CNTN3: variants seen among roughly 807,000 people sequenced by gnomAD.
CNTN3 encodes the protein contactin 3, also known as contactin-3.
In CNTN3, 60 loss-of-function variants were observed where a neutral mutation model predicts 119.1. That is an observed-to-expected ratio of 0.50 (90% CI 0.41 to 0.62). The LOEUF is 0.62. Among genes scored for constraint, CNTN3 ranks in the 20% least tolerant of loss-of-function variants. The pLI is 0.00. For missense variants in CNTN3, 1,101 were observed against 1,242.4 expected (o/e 0.89, Z 1.71); for synonymous variants, 450 against 438.7 (o/e 1.03, Z -0.32).
intron 11 of CNTN3, among the ~76,000 whole-genome samples, chr3:74,337,572 C>T (rs1443037027): frequency 2.6e-5 from 4 of 152,056 alleles, no homozygotes; most frequent in South Asian, 2.1e-4. Context: ...AAAGAGGAAA[C>T]GAGAACCAAG....
intron 18 of CNTN3, among the ~76,000 whole-genome samples, chr3:74,296,461 T>C (rs999898477): frequency 6.6e-6 from 1 of 152,062 alleles, no homozygotes; most frequent in African/African-American, 2.4e-5. Flanking sequence ...TTAAGACTCT[T>C]CTGCAAAGAC....
At chr3:74,319,508 A>C (rs1172491057) in intron 13 of CNTN3, among the ~76,000 whole-genome samples, 1 of 152,148 alleles carries the variant, frequency 6.6e-6, no homozygotes, top group Non-Finnish European at 1.5e-5. Flanking sequence ...CTTATACAAA[A>C]ATTAATTCAA....
chr3:74,368,984 T>C (rs992592332), intron 8 of CNTN3, among the ~76,000 whole-genome samples: 1 of 152,110 alleles, frequency 6.6e-6, no homozygotes, highest in African/African-American at 2.4e-5. Context: ...GCAAAATGAA[T>C]ATATTATGTC....
At chr3:74,581,821 T>G (rs973272939) in intron 1 of CNTN3, among the ~76,000 whole-genome samples, 7 of 152,210 alleles carry the variant, frequency 4.6e-5, no homozygotes, top group African/African-American at 1.7e-4. Flanking sequence ...GGTCTTTTCT[T>G]TTTAACCAAG....
chr3:74,376,816 A>G (rs78910121), intron 5 of CNTN3, among the ~76,000 whole-genome samples: 1,930 of 152,178 alleles, frequency 0.013, 38 homozygotes, highest in African/African-American at 0.04. Context: ...GCAATAGGAA[A>G]TTCACACAAA....
intron 20 of CNTN3, among the ~76,000 whole-genome samples, chr3:74,271,142 T>C (rs916280210): frequency 2.0e-5 from 3 of 152,212 alleles, no homozygotes; most frequent in Non-Finnish European, 2.9e-5. Flanking sequence ...ATTACTATCA[T>C]ATAACCATGA....
At chr3:74,347,406 T>C (rs1045347082) in intron 11 of CNTN3, among the ~76,000 whole-genome samples, 1 of 152,090 alleles carries the variant, frequency 6.6e-6, no homozygotes, top group African/African-American at 2.4e-5. Context: ...CATGCCTGGG[T>C]AATTTTTTAC....
At chr3:74,597,489 C>T (rs948977206) in intron 1 of CNTN3, among the ~76,000 whole-genome samples, 1 of 151,904 alleles carries the variant, frequency 6.6e-6, no homozygotes. Context: ...GCCCCAAATC[C>T]CACAACTCCT....
intron 3 of CNTN3, among the ~76,000 whole-genome samples, chr3:74,493,343 T>C (rs1010963911): frequency 6.6e-6 from 1 of 152,074 alleles, no homozygotes; most frequent in Non-Finnish European, 1.5e-5. Context: ...GTTTAAAAAA[T>C]AAACCCCAAA....
rs189642754 is a variant in CNTN3, at chr3:74,520,237, A to T, written c.55+821T>A. ...GGTTAGCCAAAATAAGTAGACAGAT[A>T]AAAAAAAAAGGAAAAAGCACACATT... On this transcript the variant is annotated intron_variant, in intron 2 of 22. Coordinates refer to ENST00000263665, the MANE Select transcript of CNTN3 (RefSeq NM_020872.3). Among the ~76,000 whole-genome samples, 492 of 144,200 alleles carry T rather than the reference A, an allele frequency of 3.4e-3. 3 individuals carry two copies. The highest frequency in any genetic ancestry group is 5.0e-3 in the Non-Finnish European group (327 of 65,940). 94.6% of individuals were successfully genotyped at this position (144,200 alleles called of 152,430 possible).
intron 1 of CNTN3, among the ~76,000 whole-genome samples, chr3:74,595,052 G>A (rs1424575328): frequency 6.6e-6 from 1 of 152,018 alleles, no homozygotes; most frequent in African/African-American, 2.4e-5. Flanking sequence ...GGCCAGTGAT[G>A]ATGAGCATTT....
chr3:74,435,629 A>T (rs769366122), intron 4 of CNTN3, among the ~76,000 whole-genome samples: 1 of 152,240 alleles, frequency 6.6e-6, no homozygotes, highest in Non-Finnish European at 1.5e-5. Context: ...AGGAATTAAT[A>T]GATGGATGGC....
intron 20 of CNTN3, among the ~76,000 whole-genome samples, chr3:74,284,642 C>T (rs1254850466): frequency 6.6e-6 from 1 of 152,160 alleles, no homozygotes; most frequent in Non-Finnish European, 1.5e-5. Flanking sequence ...TAAATGTATA[C>T]TATGCTATTA....
chr3:74,335,892 C>G (rs1279372108), intron 12 of CNTN3, among the ~76,000 whole-genome samples: 1 of 152,088 alleles, frequency 6.6e-6, no homozygotes, highest in Non-Finnish European at 1.5e-5. Flanking sequence ...TTCTGATCAT[C>G]CTGTTGCTAA....
chr3:74,418,281 G>T (rs1191697738), intron 5 of CNTN3, among the ~76,000 whole-genome samples: 1 of 150,470 alleles, frequency 6.6e-6, no homozygotes, highest in Non-Finnish European at 1.5e-5. Context: ...TCCCATCTTG[G>T]CTTCCCAAAG....
At chr3:74,348,399 G>T (rs971758743) in intron 11 of CNTN3, among the ~76,000 whole-genome samples, 7 of 152,188 alleles carry the variant, frequency 4.6e-5, no homozygotes. Context: ...AATTTGGATA[G>T]CTTGTGACTC....
At chr3:74,563,622 A>G (rs1263299271) in intron 1 of CNTN3, among the ~76,000 whole-genome samples, 1 of 152,110 alleles carries the variant, frequency 6.6e-6, no homozygotes, top group Non-Finnish European at 1.5e-5. Context: ...GCTCCCTTGC[A>G]GCTATGGTAT....
intron 4 of CNTN3, among the ~76,000 whole-genome samples, chr3:74,453,591 C>G (rs1702204031): frequency 6.6e-6 from 1 of 151,516 alleles, no homozygotes; most frequent in African/African-American, 2.4e-5. Flanking sequence ...TTTTCTAGTT[C>G]TTTTAATTGT....
intron 1 of CNTN3, among the ~76,000 whole-genome samples, chr3:74,575,480 A>C (rs1182379311): frequency 6.6e-6 from 1 of 151,654 alleles, no homozygotes; most frequent in African/African-American, 2.4e-5. Context: ...TTGAACTCCT[A>C]ATTTCGTGAT....
Sources: gnomAD v4.1 joint callset for allele counts (sites outside exome capture counted in the v4.1 genomes callset) on GRCh38, gnomAD v4.1.1 for gene constraint, MANE v1.5 for transcripts, NCBI Gene and HGNC (gene_info 2026-07-23, HGNC 2026-07-21) for gene names.